Variants in JAK2 observed in about 807,000 individuals in gnomAD.
The protein encoded by JAK2 is tyrosine-protein kinase JAK2.
JAK2 carries 86 observed loss-of-function variants against 139.3 expected under a neutral mutation model. The observed-to-expected ratio is 0.62, with a 90% CI of 0.52 to 0.74. The LOEUF (loss-of-function observed/expected upper bound fraction) is 0.74. Among genes scored for constraint, JAK2 ranks in the 30% least tolerant of loss-of-function variants. The probability of loss-of-function intolerance (pLI) is 0.00; values close to 1 mark genes in which losing one functional copy is unlikely to be tolerated. For synonymous variants in JAK2, 490 were observed against 437.7 expected, an observed-to-expected ratio of 1.12 and a Z score of -1.49; for missense variants, 1,421 against 1,360.3, an observed-to-expected ratio of 1.04 and a Z score of -0.70.
intron 2 of JAK2, among the ~76,000 whole-genome samples, chr9:5,014,892 G>A (rs1331255602): frequency 1.3e-5 from 2 of 150,832 alleles, no homozygotes; most frequent in African/African-American, 4.9e-5. Flanking sequence ...ATTGTGTATT[G>A]TATTTTGGGA....
chr9:5,116,111 T>A (rs1031091837), intron 22 of JAK2, among the ~76,000 whole-genome samples: 3 of 152,088 alleles, frequency 2.0e-5, no homozygotes, highest in Non-Finnish European at 2.9e-5. Context: ...TTGGGCTAAA[T>A]GCATTTTATG....
At chr9:5,006,290 C>CT in intron 2 of JAK2, among the ~76,000 whole-genome samples, 1 of 152,204 alleles carries the variant, frequency 6.6e-6, no homozygotes, top group South Asian at 2.1e-4. Context: ...ATTTGGCTCT[C>CT]TGTGTGTTAT....
At chr9:4,989,113 A>G (rs1270057406) in intron 2 of JAK2, among the ~76,000 whole-genome samples, 1 of 152,002 alleles carries the variant, frequency 6.6e-6, no homozygotes, top group Admixed American at 6.6e-5. Flanking sequence ...GTGGCTTACC[A>G]TTTTCTACTT....
chr9:5,057,865 G>C (rs1039617588), intron 8 of JAK2, among the ~76,000 whole-genome samples: 1 of 152,074 alleles, frequency 6.6e-6, no homozygotes, highest in African/African-American at 2.4e-5. Context: ...ACAGGTGTGA[G>C]CCACTGTGCC....
At position 4,995,487 on chromosome 9, in the gene JAK2, G is replaced by T. The variant is rs541248470; in HGVS notation, c.-26+9465G>T. Among the ~76,000 whole-genome samples, 3 of 152,300 alleles carry T rather than the reference G, an allele frequency of 2.0e-5. No individual in the cohort carries two copies. In the South Asian group the frequency reaches 6.2e-4, roughly 32 times the overall value. ...CTTTTTTCCCCTAGATGGTTGTCCAGTTTCAATACTATTTGTCAGATAATC... is the reference window on the plus strand; with the variant it reads ...CTTTTTTCCCCTAGATGGTTGTCCATTTTCAATACTATTTGTCAGATAATC... On this transcript the variant is annotated intron_variant, in intron 2 of 24. Coordinates refer to ENST00000381652, the MANE Select transcript of JAK2 (RefSeq NM_004972.4).
chr9:5,091,185 G>C (rs1033610374), intron 22 of JAK2: 2 of 249,534 alleles, frequency 8.0e-6, no homozygotes, highest in Admixed American at 1.1e-4. Flanking sequence ...GAGGCTTAGG[G>C]GTAATTATTA....
intron 2 of JAK2, among the ~76,000 whole-genome samples, chr9:4,988,088 T>C (rs1820064577): frequency 6.6e-6 from 1 of 152,244 alleles, no homozygotes; most frequent in South Asian, 2.1e-4. Flanking sequence ...CTACCAATTA[T>C]TGTGCTGCCC....
intron 4 of JAK2, among the ~76,000 whole-genome samples, chr9:5,042,105 G>T (rs564733599): frequency 2.0e-5 from 3 of 149,954 alleles, no homozygotes; most frequent in Non-Finnish European, 4.4e-5. Context: ...CTTCCTTCAC[G>T]TAAGACTGGC....
rs553026182 is a variant in JAK2, at chr9:5,021,110, T to C, written c.-25-853T>C. On this transcript the variant is annotated intron_variant, in intron 2 of 24. Coordinates refer to ENST00000381652, the MANE Select transcript of JAK2 (RefSeq NM_004972.4). ...GCCACTGGGAGTCTCTCACTTACTCTTTCCCCACATTGTGCAGGCTCTCTA... is the reference window on the plus strand; with the variant it reads ...GCCACTGGGAGTCTCTCACTTACTCCTTCCCCACATTGTGCAGGCTCTCTA... Among the ~76,000 whole-genome samples the C allele has an allele frequency of 3.3e-5, 5 of 152,322 alleles. No individual in the cohort carries two copies. The South Asian group carries it at 1.0e-3, about 32-fold the overall frequency.
intron 4 of JAK2, among the ~76,000 whole-genome samples, chr9:5,032,774 G>C (rs1823264091): frequency 6.6e-6 from 1 of 152,306 alleles, no homozygotes; most frequent in East Asian, 1.9e-4. Flanking sequence ...ACAAAAGGTA[G>C]ATAAAACCAC....
chr9:5,019,623 C>T (rs1338200031), intron 2 of JAK2, among the ~76,000 whole-genome samples: 1 of 152,062 alleles, frequency 6.6e-6, no homozygotes, highest in African/African-American at 2.4e-5. Flanking sequence ...TTCTTGTGAC[C>T]TTACTTCTTT....
At position 5,033,967 on chromosome 9, in the gene JAK2, C is replaced by A. The variant is rs142562774; in HGVS notation, c.350+4061C>A. Among the ~76,000 whole-genome samples the A allele has an allele frequency of 2.0e-5, 3 of 152,200 alleles. No individual in the cohort carries two copies. The South Asian group carries it at 6.2e-4, about 32-fold the overall frequency. Reference sequence around the variant, plus strand: ...TGGTAAACTGGATAAAGAGTCAAGACCCATCAGTGTGCTGTATTCAGGAAA... The same window carrying A: ...TGGTAAACTGGATAAAGAGTCAAGAACCATCAGTGTGCTGTATTCAGGAAA... On this transcript the variant is annotated intron_variant, in intron 4 of 24. Transcript: ENST00000381652.
intron 10 of JAK2, among the ~76,000 whole-genome samples, chr9:5,067,624 A>T (rs1818657118): frequency 6.6e-6 from 1 of 151,994 alleles, no homozygotes; most frequent in Non-Finnish European, 1.5e-5. Context: ...AACAGATAAT[A>T]GTACATTATA....
chr9:5,102,405 T>C (rs1224014838), intron 22 of JAK2, among the ~76,000 whole-genome samples: 1 of 152,096 alleles, frequency 6.6e-6, no homozygotes, highest in Non-Finnish European at 1.5e-5. Context: ...AAAGACCAAA[T>C]CTACATTTGA....
chr9:5,052,253 C>A (rs985042598), intron 6 of JAK2, among the ~76,000 whole-genome samples: 5 of 152,076 alleles, frequency 3.3e-5, no homozygotes, highest in South Asian at 2.1e-4. Context: ...ATTGTAGTTT[C>A]TTCCAGTTTG....
chr9:5,047,110 T>C (rs980639457), intron 5 of JAK2, among the ~76,000 whole-genome samples: 6 of 152,224 alleles, frequency 3.9e-5, no homozygotes, highest in African/African-American at 1.4e-4. Context: ...AGCAATTTTC[T>C]ATTTTTTAAT....
intron 5 of JAK2, among the ~76,000 whole-genome samples, 176 bp from the exon 6 acceptor site, chr9:5,050,510 A>T (rs1477366805): frequency 2.0e-5 from 3 of 152,178 alleles, no homozygotes; most frequent in Non-Finnish European, 4.4e-5. Flanking sequence ...GGCTCAAGTG[A>T]TCTTCATGCC....
chr9:5,109,221 A>G (rs931365646), intron 22 of JAK2: 1 of 152,200 alleles, frequency 6.6e-6, no homozygotes, highest in Admixed American at 6.5e-5. Flanking sequence ...GAGAAAATAC[A>G]TTAATATTTA....
intron 2 of JAK2, among the ~76,000 whole-genome samples, chr9:5,014,740 C>T (rs1022279841): frequency 1.4e-4 from 22 of 152,092 alleles, no homozygotes; most frequent in Non-Finnish European, 1.5e-5. Flanking sequence ...ATAGATGTAA[C>T]TTATATGAGA....
Sources: allele counts gnomAD v4.1 joint callset (sites outside exome capture counted in the v4.1 genomes callset), GRCh38; gene constraint gnomAD v4.1.1; transcripts MANE v1.5; gene names NCBI Gene and HGNC (gene_info 2026-07-23, HGNC 2026-07-21).